Variants in ST18 observed in about 807,000 individuals in gnomAD.
ST18 encodes suppression of tumorigenicity 18 protein.
A neutral mutation model predicts 110.0 loss-of-function variants in ST18; 50 were observed. The ratio of observed to expected loss-of-function variants is 0.45; its 90% CI spans 0.36 to 0.58. The LOEUF is 0.58. ST18 is among the 20% of genes least tolerant of loss of function. The pLI, the probability that ST18 is intolerant of heterozygous loss-of-function variation, is 0.00. For synonymous variants in ST18, 461 were observed against 452.4 expected (o/e 1.02, Z -0.24); for missense variants, 1,306 against 1,280.1 (o/e 1.02, Z -0.31).
intron 2 of ST18, among the ~76,000 whole-genome samples, chr8:52,365,294 T>C (rs921740314): frequency 6.6e-6 from 1 of 152,108 alleles, no homozygotes; most frequent in African/African-American, 2.4e-5. Context: ...TGAAGAATGT[T>C]TCGCCAAAGC....
In ST18 at chr8:52,230,701, C is replaced by T. The variant is rs116551409; in HGVS notation, c.-464-624G>A. 1.9e-3 allele frequency among the ~76,000 whole-genome samples: 290 copies of T among 152,226 alleles called. 1 individual carries two copies. Among genetic ancestry groups the T allele is most frequent in the African/African-American group, 6.4e-3 (266 of 41,520 alleles). ...ATCCTTTAATTCTCATGTGTTTCCA[C>T]GCTAAAAATATTTTTACAAAGAAGG... is the stretch of plus-strand genomic sequence containing the variant. On this transcript the variant is annotated intron_variant, in intron 2 of 25. Coordinates refer to ENST00000689386, the MANE Select transcript of ST18 (RefSeq NM_001352837.2).
chr8:52,113,711 G>A (rs574050434), intron 25 of ST18, among the ~76,000 whole-genome samples: 8 of 152,200 alleles, frequency 5.3e-5, no homozygotes, highest in African/African-American at 1.9e-4. Context: ...ATATTTGTGA[G>A]GCTGGGAAGG....
At chr8:52,315,448 C>A (rs897230024) in intron 2 of ST18, among the ~76,000 whole-genome samples, 2 of 152,196 alleles carry the variant, frequency 1.3e-5, no homozygotes, top group Non-Finnish European at 2.9e-5. Context: ...TTCAAGGAGG[C>A]CAACTTGTAT....
intron 23 of ST18, among the ~76,000 whole-genome samples, chr8:52,119,738 G>A (rs1457361269): frequency 1.3e-5 from 2 of 152,110 alleles, no homozygotes; most frequent in Non-Finnish European, 2.9e-5. Flanking sequence ...TAGTAATTTA[G>A]TGCGAAGAGA....
chr8:52,140,255 C>T (rs531021634), intron 17 of ST18, among the ~76,000 whole-genome samples: 140 of 152,284 alleles, frequency 9.2e-4, no homozygotes, highest in African/African-American at 3.0e-3. Context: ...TTAGACTGGG[C>T]GTGGTGGCTC....
In ST18 at chr8:52,184,701, G is replaced by T. The variant is rs185290674; in HGVS notation, c.87-4389C>A. Reference sequence around the variant, plus strand: ...CCTACTATAGTAATAAATTCTCAATGAAGTTTTCAGAAGTTATGTAACATA... The same window carrying T: ...CCTACTATAGTAATAAATTCTCAATTAAGTTTTCAGAAGTTATGTAACATA... On this transcript the variant is annotated intron_variant, in intron 8 of 25. Coordinates refer to ENST00000689386, the MANE Select transcript of ST18 (RefSeq NM_001352837.2). Among the ~76,000 whole-genome samples the T allele has an allele frequency of 4.4e-4, 67 of 152,260 alleles. 2 individuals carry two copies. Among genetic ancestry groups the T allele is most frequent in the Admixed American group, 2.6e-4 (4 of 15,292 alleles).
rs577958138 is a variant in ST18, at chr8:52,212,131, AAAG to A, written c.56-25_56-23del. On this transcript the variant is annotated intron_variant, in intron 7 of 25. Coordinates refer to ENST00000689386, the MANE Select transcript of ST18 (RefSeq NM_001352837.2). ...GGCACTGTTGACAAAAGAAGAAAAA[AAAG>A]AAGACTTAATCAGTTGATAATTTTC... 6.8e-5 allele frequency: 109 copies of A among 1,596,006 alleles called. No homozygotes were observed. In the African/African-American group the frequency reaches 1.3e-3, roughly 20 times the overall value.
At chr8:52,130,131 G>GAAAGAAAGAAAGA (rs2048851267) in intron 22 of ST18, among the ~76,000 whole-genome samples, 1 of 137,954 alleles carries the variant, frequency 7.2e-6, no homozygotes, top group Non-Finnish European at 1.5e-5. Flanking sequence ...AAGAAAGAAA[G>GAAAGAAAGAAAGA]AAAGAAAGAA....
intron 23 of ST18, among the ~76,000 whole-genome samples, chr8:52,121,990 C>T (rs1184181205): frequency 6.6e-6 from 1 of 151,992 alleles, no homozygotes; most frequent in African/African-American, 2.4e-5. Flanking sequence ...AGACTACAGG[C>T]GTACGCCACC....
Position 52,172,147 on chromosome 8 carries a change from A to G in ST18, c.714T>C (p.Thr238=). 6.2e-7 allele frequency: 1 copy of G among 1,614,116 alleles called. No homozygotes were observed. Among genetic ancestry groups the G allele is most frequent in the Non-Finnish European group, 8.5e-7 (1 of 1,180,018 alleles). Reference sequence around the variant, plus strand: ...CACAAGGGATAAATTTGTCACCTTCAGTTTTTATTTCAGGAACTTCCAATA... The same window carrying G: ...CACAAGGGATAAATTTGTCACCTTCGGTTTTTATTTCAGGAACTTCCAATA... ...KDLLEVPEIK[T]EGDKFIPCEN... The change falls in exon 10 of 26, where the codon ACT becomes ACC. Residue 238 remains threonine (T), a synonymous_variant. Coordinates refer to ENST00000689386, the MANE Select transcript of ST18 (RefSeq NM_001352837.2).
intron 17 of ST18, among the ~76,000 whole-genome samples, chr8:52,140,616 C>T (rs951261807): frequency 5.3e-5 from 8 of 150,670 alleles, no homozygotes; most frequent in Non-Finnish European, 8.8e-5. Context: ...ACTAAGAGGC[C>T]TCTGAGAGAG....
chr8:52,359,060 A>C (rs569095456), intron 2 of ST18, among the ~76,000 whole-genome samples: 179 of 152,140 alleles, frequency 1.2e-3, no homozygotes, highest in Non-Finnish European at 2.2e-3. Context: ...AGGAATGCAA[A>C]AAATGGCTCA....
At chr8:52,226,266 G>T (rs1421988870) in intron 3 of ST18, among the ~76,000 whole-genome samples, 3 of 152,178 alleles carry the variant, frequency 2.0e-5, no homozygotes, top group East Asian at 1.9e-4. Context: ...AAGATTGCAT[G>T]ACTCGTCACA....
intron 8 of ST18, among the ~76,000 whole-genome samples, chr8:52,188,036 C>A (rs535354583): frequency 6.6e-6 from 1 of 151,898 alleles, no homozygotes; most frequent in African/African-American, 2.4e-5. Flanking sequence ...TCAATAAATA[C>A]GTAATAAGTG....
At chr8:52,247,415 C>A (rs2093950813) in intron 2 of ST18, among the ~76,000 whole-genome samples, 1 of 152,126 alleles carries the variant, frequency 6.6e-6, no homozygotes. Context: ...TGAAGAATGA[C>A]AATTACATTT....
At chr8:52,235,134 A>G (rs188368169) in intron 2 of ST18, among the ~76,000 whole-genome samples, 2 of 152,318 alleles carry the variant, frequency 1.3e-5, no homozygotes, top group Admixed American at 1.3e-4. Flanking sequence ...TTTAAAAGCA[A>G]TAAGCATTAA....
chr8:52,284,210 T>C (rs921908411), intron 2 of ST18, among the ~76,000 whole-genome samples: 7 of 152,110 alleles, frequency 4.6e-5, no homozygotes, highest in Non-Finnish European at 5.9e-5. Flanking sequence ...GTGCAAAGGA[T>C]GTTACAGTTA....
chr8:52,171,686 G>T (rs2133796839), intron 10 of ST18, 106 bp downstream of exon 10: 2 of 1,116,788 alleles, frequency 1.8e-6, no homozygotes, highest in South Asian at 1.4e-5. Flanking sequence ...TTTTTAAGTT[G>T]CATTAAACTG....
chr8:52,239,326 C>T (rs2093126401), intron 2 of ST18, among the ~76,000 whole-genome samples: 1 of 152,130 alleles, frequency 6.6e-6, no homozygotes, highest in South Asian at 2.1e-4. Flanking sequence ...AAACTGTACA[C>T]TTGAAATGGG....
Sources: gnomAD v4.1 joint callset for allele counts (sites outside exome capture counted in the v4.1 genomes callset) on GRCh38, gnomAD v4.1.1 for gene constraint, MANE v1.5 for transcripts, NCBI Gene and HGNC (gene_info 2026-07-23, HGNC 2026-07-21) for gene names.